EIF4EBP1: variants seen among roughly 807,000 people sequenced by gnomAD.
EIF4EBP1 encodes the protein eukaryotic translation initiation factor 4E-binding protein 1.
In EIF4EBP1, 5 loss-of-function variants were observed where a neutral mutation model predicts 9.2. The ratio of observed to expected loss-of-function variants is 0.54; its 90% CI spans 0.28 to 1.14. EIF4EBP1 has a LOEUF of 1.14. Ranked by LOEUF, EIF4EBP1 falls within the 50% of genes most tolerant of loss-of-function variation. The probability of loss-of-function intolerance (pLI) is 0.09; values close to 1 mark genes in which losing one functional copy is unlikely to be tolerated. For missense variants in EIF4EBP1, 139 were observed against 169.6 expected, an observed-to-expected ratio of 0.82 and a Z score of 1.00; for synonymous variants, 62 against 67.0, an observed-to-expected ratio of 0.93 and a Z score of 0.36.
intron 1 of EIF4EBP1, among the ~76,000 whole-genome samples, chr8:38,052,519 A>G (rs1472979173): frequency 1.3e-5 from 2 of 152,038 alleles, no homozygotes; most frequent in Non-Finnish European, 2.9e-5. Context: ...ACCTGAGGTC[A>G]GGAACTCAAG....
chr8:38,039,236 A>C (rs907296708), intron 1 of EIF4EBP1, among the ~76,000 whole-genome samples: 9 of 151,454 alleles, frequency 5.9e-5, no homozygotes, highest in African/African-American at 2.2e-4. Context: ...TTCTTCTTCC[A>C]GTGTGGCCCA....
intron 1 of EIF4EBP1, among the ~76,000 whole-genome samples, chr8:38,032,045 A>C (rs980582407): frequency 6.6e-6 from 1 of 152,150 alleles, no homozygotes; most frequent in African/African-American, 2.4e-5. Context: ...CTCTGTCACA[A>C]TGGTCTACCA....
At chr8:38,036,634 A>G (rs1809306390) in intron 1 of EIF4EBP1, among the ~76,000 whole-genome samples, 2 of 152,176 alleles carry the variant, frequency 1.3e-5, no homozygotes, top group Non-Finnish European at 2.9e-5. Flanking sequence ...ATGTTCTGGA[A>G]GATGAGTTAG....
At chr8:38,037,122 A>T (rs1300091089) in intron 1 of EIF4EBP1, among the ~76,000 whole-genome samples, 1 of 151,900 alleles carries the variant, frequency 6.6e-6, no homozygotes, top group African/African-American at 2.4e-5. Flanking sequence ...CTCCATTATG[A>T]TTCATAGCGA....
chr8:38,031,077 C>T (rs1253050493), intron 1 of EIF4EBP1, among the ~76,000 whole-genome samples: 2 of 152,214 alleles, frequency 1.3e-5, no homozygotes, highest in Admixed American at 6.5e-5. Flanking sequence ...GCCCACGATC[C>T]AGGAGAGGCC....
chr8:38,057,741 T>C (rs1809618278), intron 2 of EIF4EBP1, among the ~76,000 whole-genome samples: 1 of 152,174 alleles, frequency 6.6e-6, no homozygotes, highest in African/African-American at 2.4e-5. Flanking sequence ...GGTCCCCTAG[T>C]GGATCTTCAT....
chr8:38,046,320 G>A (rs1263097495), intron 1 of EIF4EBP1, among the ~76,000 whole-genome samples: 2 of 152,052 alleles, frequency 1.3e-5, no homozygotes, highest in Admixed American at 1.3e-4. Flanking sequence ...TCACCACAAA[G>A]CATGCCTTGA....
At chr8:38,039,868 A>C (rs531218837) in intron 1 of EIF4EBP1, among the ~76,000 whole-genome samples, 1 of 152,120 alleles carries the variant, frequency 6.6e-6, no homozygotes, top group East Asian at 1.9e-4. Flanking sequence ...TTTTTTAAAA[A>C]GCAAAAACAA....
chr8:38,035,559 A>T (rs551205267), intron 1 of EIF4EBP1, among the ~76,000 whole-genome samples: 1 of 151,442 alleles, frequency 6.6e-6, no homozygotes, highest in South Asian at 2.1e-4. Context: ...GAGGCAGTCT[A>T]ACTCTGTCGC....
intron 1 of EIF4EBP1, among the ~76,000 whole-genome samples, chr8:38,035,025 C>T (rs79396024): frequency 0.015 from 2,217 of 152,196 alleles, 26 homozygotes; most frequent in Non-Finnish European, 0.022. Flanking sequence ...AAGGCTGAGA[C>T]AGGAAAATTA....
rs1448963186 is a variant in EIF4EBP1 at position 38,060,068 on chromosome 8, T to C, written c.*133T>C. 1.2e-6 allele frequency: 1 copy of C among 853,890 alleles called. No individual in the cohort carries two copies. The highest frequency in any genetic ancestry group is 1.9e-5 in the Admixed American group (1 of 51,684). The allele number at this position is 853,890 out of a possible 1,614,324, so 52.9% of individuals were successfully genotyped here. A position where few individuals can be genotyped will look rare whatever the true frequency, so the allele number is the denominator to read the frequency against. On this transcript the variant is annotated 3_prime_UTR_variant, in exon 3 of 3. Transcript: ENST00000338825. ...CGTGGGGTCGGACACCCCAGCCCTT[T>C]CTCCCTCACTCAGGGCACCTGCCCC...
chr8:38,049,135 A>AAAAAG (rs1303099046), intron 1 of EIF4EBP1, among the ~76,000 whole-genome samples: 55 of 151,966 alleles, frequency 3.6e-4, no homozygotes, highest in African/African-American at 1.2e-3. Flanking sequence ...CAAAAAAAAA[A>AAAAAG]AAAAGAAAAG....
chr8:38,057,096 A>G lies in EIF4EBP1; in HGVS notation c.161A>G (p.Tyr54Cys). Residue 54 changes from tyrosine to cysteine, a missense_variant, in exon 2 of 3, where the codon TAT (tyrosine) becomes TGT (cysteine). Transcript: ENST00000338825. ...STTPGGTRII[Y>C]DRKFLMECRN... is the part of the protein sequence containing the mutation. The stretch of plus-strand genomic sequence containing the variant: ...TCCCTTCTAGGTACCAGGATCATCT[A>G]TGACCGGAAATTCCTGATGGAGTGT... 6.2e-7 allele frequency: 1 copy of G among 1,614,160 alleles called. No individual in the cohort carries two copies. The highest frequency in any genetic ancestry group is 8.5e-7 in the Non-Finnish European group (1 of 1,180,026).
At chr8:38,049,610 T>G (rs1809492086) in intron 1 of EIF4EBP1, among the ~76,000 whole-genome samples, 3 of 151,174 alleles carry the variant, frequency 2.0e-5, no homozygotes. Context: ...GCCTCCCGAG[T>G]AGCTGGGATT....
intron 1 of EIF4EBP1, among the ~76,000 whole-genome samples, chr8:38,039,121 A>G (rs891016593): frequency 6.6e-6 from 1 of 151,882 alleles, no homozygotes; most frequent in African/African-American, 2.4e-5. Context: ...CGAACTCCCA[A>G]GCTCAGGTGA....
intron 1 of EIF4EBP1, among the ~76,000 whole-genome samples, chr8:38,054,792 G>A (rs1449248644): frequency 1.3e-5 from 2 of 152,218 alleles, no homozygotes; most frequent in Non-Finnish European, 2.9e-5. Context: ...CCTGCAAAGA[G>A]AGGGCACCAC....
At chr8:38,039,306 G>A (rs1280036724) in intron 1 of EIF4EBP1, among the ~76,000 whole-genome samples, 2 of 151,758 alleles carry the variant, frequency 1.3e-5, no homozygotes, top group Non-Finnish European at 2.9e-5. Flanking sequence ...GTTGCCAGGT[G>A]GTTTTGTCCA....
chr8:38,044,151 G>A (rs1809419532), intron 1 of EIF4EBP1, among the ~76,000 whole-genome samples: 1 of 151,898 alleles, frequency 6.6e-6, no homozygotes. Flanking sequence ...CCCTGGAATG[G>A]GAACAGCAGT....
intron 1 of EIF4EBP1, among the ~76,000 whole-genome samples, chr8:38,041,953 C>G (rs573718648): frequency 1.3e-5 from 2 of 152,024 alleles, no homozygotes; most frequent in South Asian, 4.1e-4. Context: ...GATCACGCCA[C>G]TGCACTTCAG....
Sources: gnomAD v4.1 joint callset for allele counts (sites outside exome capture counted in the v4.1 genomes callset) on GRCh38, gnomAD v4.1.1 for gene constraint, MANE v1.5 for transcripts, NCBI Gene and HGNC (gene_info 2026-07-23, HGNC 2026-07-21) for gene names.